Variants in TTC7B observed in about 807,000 individuals in gnomAD.
The protein encoded by TTC7B is tetratricopeptide repeat domain 7B, also known as tetratricopeptide repeat protein 7B.
TTC7B carries 28 observed loss-of-function variants against 106.8 expected under a neutral mutation model. The ratio of observed to expected loss-of-function variants is 0.26; its 90% CI spans 0.19 to 0.36. The LOEUF is 0.36. Ranked by LOEUF, TTC7B falls within the 10% of genes least tolerant of loss-of-function variation. The probability of loss-of-function intolerance (pLI) is 1.00; values close to 1 mark genes in which losing one functional copy is unlikely to be tolerated. For missense variants in TTC7B, 862 were observed against 1,076.4 expected (o/e 0.80, Z 2.79); for synonymous variants, 405 against 430.6 (o/e 0.94, Z 0.74).
At chr14:90,641,441 C>G (rs1187758913) in intron 15 of TTC7B, among the ~76,000 whole-genome samples, 1 of 152,212 alleles carries the variant, frequency 6.6e-6, no homozygotes, top group Non-Finnish European at 1.5e-5. Context: ...CACAAACAAA[C>G]AGATAATACT....
At chr14:90,613,842 GATGCCCAC>G (rs1252236626) in intron 16 of TTC7B, among the ~76,000 whole-genome samples, 1 of 152,266 alleles carries the variant, frequency 6.6e-6, no homozygotes, top group Non-Finnish European at 1.5e-5. Context: ...GTAAGCGGGA[GATGCCCAC>G]ATGCGTAGAT....
chr14:90,777,005 G>A (rs1891051841), intron 3 of TTC7B, among the ~76,000 whole-genome samples: 1 of 152,220 alleles, frequency 6.6e-6, no homozygotes, highest in African/African-American at 2.4e-5. Context: ...GGAGGCCGAG[G>A]TGGGTGGATC....
At position 90,703,526 on chromosome 14, in the gene TTC7B, C is replaced by T. The variant is rs144771121; in HGVS notation, c.699-7948G>A. On this transcript the variant is annotated intron_variant, in intron 5 of 19. Transcript: ENST00000328459. ...AACTGCATTTCCAACACAACTCTGGCGACCACATTTCAAAGCTAGAACAGT... is the reference window on the plus strand; with the variant it reads ...AACTGCATTTCCAACACAACTCTGGTGACCACATTTCAAAGCTAGAACAGT... Among the ~76,000 whole-genome samples the T allele has an allele frequency of 2.1e-3, 316 of 152,022 alleles. 2 individuals carry two copies. Among genetic ancestry groups the T allele is most frequent in the African/African-American group, 6.9e-3 (286 of 41,456 alleles).
At chr14:90,736,755 C>T (rs756852934) in intron 4 of TTC7B, among the ~76,000 whole-genome samples, 21 of 151,420 alleles carry the variant, frequency 1.4e-4, no homozygotes, top group Non-Finnish European at 2.1e-4. Flanking sequence ...TAGTGGCATG[C>T]GGCTGTAGTC....
intron 4 of TTC7B, among the ~76,000 whole-genome samples, chr14:90,736,893 T>TAA (rs58051350): frequency 0.055 from 5,045 of 91,732 alleles, 372 homozygotes; most frequent in African/African-American, 0.16. Context: ...CCATGTCTCT[T>TAA]AAAAAAAAAA....
intron 13 of TTC7B, among the ~76,000 whole-genome samples, chr14:90,649,298 T>C (rs1441066675): frequency 6.6e-6 from 1 of 152,224 alleles, no homozygotes; most frequent in African/African-American, 2.4e-5. Flanking sequence ...CTGAAGGAAA[T>C]AAGGCAAATG....
At chr14:90,694,627 CAT>C (rs919140911) in intron 6 of TTC7B, among the ~76,000 whole-genome samples, 1 of 145,514 alleles carries the variant, frequency 6.9e-6, no homozygotes, top group Non-Finnish European at 1.5e-5. Flanking sequence ...ATATATGTCA[CAT>C]ATATTTATAA....
At chr14:90,813,098 A>G (rs540092519) in intron 1 of TTC7B, among the ~76,000 whole-genome samples, 22 of 152,282 alleles carry the variant, frequency 1.4e-4, no homozygotes, top group Non-Finnish European at 2.8e-4. Flanking sequence ...CTACCCATGA[A>G]GTTCCCTCCC....
intron 19 of TTC7B, among the ~76,000 whole-genome samples, chr14:90,568,247 T>C (rs775538086): frequency 1.3e-5 from 2 of 152,114 alleles, no homozygotes; most frequent in African/African-American, 2.4e-5. Flanking sequence ...GACCAGAATC[T>C]GAGAACACAG....
chr14:90,526,000 T>G lies in TTC7B; in HGVS notation c.*15368A>C, dbSNP rs146930387. 6.5e-3 allele frequency: 980 copies of G among 151,532 alleles called. 32 individuals carry two copies. The highest frequency in any genetic ancestry group is 0.022 in the African/African-American group (912 of 41,224). The allele number at this position is 151,532 out of a possible 1,614,324, so 9.4% of individuals were successfully genotyped here. A position where few individuals can be genotyped will look rare whatever the true frequency, so the allele number is the denominator to read the frequency against. The stretch of plus-strand genomic sequence containing the variant: ...AAAAAAAATAAAAAAAAAAAAGAAG[T>G]CTTTGTATTTTATATTTGTACATAT... On this transcript the variant is annotated 3_prime_UTR_variant, in exon 20 of 20. Transcript: ENST00000328459.
chr14:90,624,513 A>G lies in TTC7B; in HGVS notation c.1752-6468T>C, dbSNP rs1884354517. Among the ~76,000 whole-genome samples, 1 of 152,086 alleles carries G rather than the reference A, an allele frequency of 6.6e-6. No individual in the cohort carries two copies. On this transcript the variant is annotated intron_variant, in intron 15 of 19. Transcript: ENST00000328459. The surrounding 1 kb of genome is among the most constrained non-coding windows in gnomAD (Gnocchi z 4.0). ...TGGACATGCACCTCTAGTACCTCAC[A>G]CCCTAGTTTAGTTTTAGCCTTGGCC... is the stretch of plus-strand genomic sequence containing the variant.
intron 19 of TTC7B, among the ~76,000 whole-genome samples, chr14:90,546,621 ACCAGCAGCGCTGC>A (rs1488401243): frequency 2.0e-5 from 3 of 152,168 alleles, no homozygotes. Context: ...ACTGCCCCCA[ACCAGCAGCGCTGC>A]CCAGCAGCAC....
intron 15 of TTC7B, among the ~76,000 whole-genome samples, chr14:90,640,438 T>C (rs1324451893): frequency 6.6e-6 from 1 of 152,156 alleles, no homozygotes; most frequent in Non-Finnish European, 1.5e-5. Context: ...GAAAAATCCA[T>C]ATACCTAGGA....
At chr14:90,694,006 T>C (rs563735941) in intron 6 of TTC7B, among the ~76,000 whole-genome samples, 1 of 152,262 alleles carries the variant, frequency 6.6e-6, no homozygotes, top group Non-Finnish European at 1.5e-5. Context: ...ATCCACACAA[T>C]GGAATATTAT....
Position 90,810,129 on chromosome 14 carries a change from C to T in TTC7B, c.121+6046G>A, listed in dbSNP as rs2140064979. The stretch of plus-strand genomic sequence containing the variant: ...GGATGGCAGAAACCTCAACTGAACC[C>T]ATGTGAGGCTATTTATAGTCTATTT... On this transcript the variant is annotated intron_variant, in intron 1 of 19. Transcript: ENST00000328459. Among the ~76,000 whole-genome samples, 2 of 152,246 alleles carry T rather than the reference C, an allele frequency of 1.3e-5. 1 individual carries two copies. The highest frequency in any genetic ancestry group is 4.2e-4 in the South Asian group (2 of 4,816).
chr14:90,783,334 G>T (rs1427374701), intron 2 of TTC7B, among the ~76,000 whole-genome samples: 1 of 152,200 alleles, frequency 6.6e-6, no homozygotes, highest in East Asian at 1.9e-4. Flanking sequence ...ACATTAGTTG[G>T]TGTGAGTAGG....
intron 19 of TTC7B, among the ~76,000 whole-genome samples, chr14:90,557,233 G>A (rs1271392573): frequency 6.6e-6 from 1 of 152,174 alleles, no homozygotes; most frequent in Non-Finnish European, 1.5e-5. Flanking sequence ...AACACTGGCA[G>A]CAAAGGCCTG....
At chr14:90,652,933 G>A (rs761768604) in intron 12 of TTC7B, 35 bp from the exon 13 acceptor site, 8 of 1,610,584 alleles carry the variant, frequency 5.0e-6, no homozygotes, top group African/African-American at 1.3e-5. Context: ...GTGGCATGGG[G>A]GATCAGGGAA....
intron 7 of TTC7B, among the ~76,000 whole-genome samples, chr14:90,683,992 G>A (rs1887156143): frequency 6.6e-6 from 1 of 152,102 alleles, no homozygotes; most frequent in South Asian, 2.1e-4. Flanking sequence ...CCTGGCTCGG[G>A]ATGTTCTGCC....
Sources: allele counts gnomAD v4.1 joint callset (sites outside exome capture counted in the v4.1 genomes callset), GRCh38; gene constraint gnomAD v4.1.1; non-coding constraint Gnocchi (gnomAD v3.1); transcripts MANE v1.5; gene names NCBI Gene and HGNC (gene_info 2026-07-23, HGNC 2026-07-21).